Variants in GRIP1 observed in about 807,000 individuals in gnomAD.
The protein encoded by GRIP1 is glutamate receptor interacting protein 1.
A neutral mutation model predicts 129.9 loss-of-function variants in GRIP1; 45 were observed. That is an observed-to-expected ratio of 0.35 (90% CI 0.27 to 0.44). The LOEUF (loss-of-function observed/expected upper bound fraction) is 0.44. Among genes scored for constraint, GRIP1 ranks in the 20% least tolerant of loss-of-function variants. The pLI is 1.00. For synonymous variants in GRIP1, 530 were observed against 520.8 expected, an observed-to-expected ratio of 1.02 and a Z score of -0.24; for missense variants, 1,196 against 1,396.8, an observed-to-expected ratio of 0.86 and a Z score of 2.29.
At chr12:66,979,696 T>C (rs2042216283) in intron 1 of GRIP1, among the ~76,000 whole-genome samples, 1 of 152,146 alleles carries the variant, frequency 6.6e-6, no homozygotes, top group Non-Finnish European at 1.5e-5. Context: ...CAAGTTAAGA[T>C]GAAGTCATTA....
intron 23 of GRIP1, among the ~76,000 whole-genome samples, chr12:66,358,004 G>A (rs1452506172): frequency 3.3e-5 from 5 of 151,948 alleles, no homozygotes; most frequent in Admixed American, 6.6e-5. Context: ...AGCAATTCTC[G>A]TGCCTCGGCC....
chr12:66,584,794 C>T (rs955476220), intron 2 of GRIP1, among the ~76,000 whole-genome samples: 1 of 152,006 alleles, frequency 6.6e-6, no homozygotes. Context: ...CCTAGGTAAT[C>T]CACTCTCCCA....
chr12:66,694,912 G>A (rs947514988), intron 1 of GRIP1, among the ~76,000 whole-genome samples: 2 of 152,192 alleles, frequency 1.3e-5, no homozygotes, highest in African/African-American at 4.8e-5. Flanking sequence ...TGAGGGTATG[G>A]CTAAGTGAGA....
chr12:66,549,423 A>C (rs1264827068), intron 2 of GRIP1, among the ~76,000 whole-genome samples: 1 of 152,174 alleles, frequency 6.6e-6, no homozygotes, highest in Non-Finnish European at 1.5e-5. Context: ...CTATAGCTAT[A>C]TCTGTGTACT....
intron 14 of GRIP1, among the ~76,000 whole-genome samples, chr12:66,422,584 T>TTA (rs1245932063): frequency 4.0e-5 from 6 of 151,716 alleles, no homozygotes; most frequent in Admixed American, 6.6e-5. Context: ...TTGGCTTTTT[T>TTA]AAAAAAAATC....
intron 15 of GRIP1, chr12:66,407,386 A>C (rs2137671407): frequency 6.6e-6 from 1 of 152,346 alleles, no homozygotes; most frequent in South Asian, 2.1e-4. Flanking sequence ...CAAAAATCAG[A>C]TGAGCAATCA....
At chr12:66,551,868 C>T (rs2139316795) in intron 2 of GRIP1, among the ~76,000 whole-genome samples, 1 of 152,218 alleles carries the variant, frequency 6.6e-6, no homozygotes, top group Admixed American at 6.5e-5. Flanking sequence ...AGGCATGAGC[C>T]ACAGTGCCAG....
intron 1 of GRIP1, among the ~76,000 whole-genome samples, chr12:66,736,075 T>C (rs557408298): frequency 3.3e-5 from 5 of 152,254 alleles, no homozygotes; most frequent in South Asian, 4.1e-4. Flanking sequence ...CCCTGCACAG[T>C]CAAAAATCTG....
chr12:66,459,574 G>C (rs10219746), intron 9 of GRIP1, among the ~76,000 whole-genome samples: 63,116 of 152,018 alleles, frequency 0.42, 14,010 homozygotes, highest in African/African-American at 0.55. Context: ...TTATTTACCA[G>C]CTATTGCTTT....
At chr12:66,500,497 G>A (rs2060362137) in intron 7 of GRIP1, among the ~76,000 whole-genome samples, 1 of 152,204 alleles carries the variant, frequency 6.6e-6, no homozygotes, top group African/African-American at 2.4e-5. Context: ...AACTAACAGG[G>A]AGATGTCTAA....
intron 1 of GRIP1, among the ~76,000 whole-genome samples, chr12:66,695,463 G>A (rs528810267): frequency 1.6e-4 from 25 of 152,238 alleles, no homozygotes; most frequent in African/African-American, 6.0e-4. Flanking sequence ...ACTTGTCGGT[G>A]GTTGGCTCCA....
chr12:66,969,649 T>G (rs1165641136), intron 1 of GRIP1, among the ~76,000 whole-genome samples: 1 of 152,108 alleles, frequency 6.6e-6, no homozygotes, highest in Non-Finnish European at 1.5e-5. Context: ...ACTCTTGGGC[T>G]CAAGCAATCC....
At chr12:66,867,886 C>T (rs971551028) in intron 1 of GRIP1, among the ~76,000 whole-genome samples, 9 of 151,904 alleles carry the variant, frequency 5.9e-5, no homozygotes, top group African/African-American at 2.2e-4. Flanking sequence ...GAGCAGGGAA[C>T]AAAAATCTTC....
chr12:66,367,099 C>G (rs2137240360), intron 23 of GRIP1, among the ~76,000 whole-genome samples: 1 of 152,258 alleles, frequency 6.6e-6, no homozygotes, highest in African/African-American at 2.4e-5. Flanking sequence ...ATTTCAGAAA[C>G]AGATTAAGTG....
intron 1 of GRIP1, among the ~76,000 whole-genome samples, chr12:66,944,537 G>A (rs1356645628): frequency 6.6e-6 from 1 of 151,648 alleles, no homozygotes; most frequent in African/African-American, 2.4e-5. Context: ...GGGTGGAGGG[G>A]TGGGGGTGCC....
intron 19 of GRIP1, among the ~76,000 whole-genome samples, chr12:66,382,165 G>A (rs1024117423): frequency 4.6e-5 from 7 of 152,172 alleles, no homozygotes; most frequent in Admixed American, 1.3e-4. Flanking sequence ...GGTTGTTGAG[G>A]CTGCAGTGAG....
chr12:66,750,937 T>C (rs1201363540), intron 1 of GRIP1, among the ~76,000 whole-genome samples: 1 of 152,184 alleles, frequency 6.6e-6, no homozygotes, highest in Non-Finnish European at 1.5e-5. Context: ...CCTAAAGTAA[T>C]AGGAAGATTG....
At position 66,419,527 on chromosome 12, in the gene GRIP1, C is replaced by T. The variant is rs957503642; in HGVS notation, c.1838+1193G>A. Among the ~76,000 whole-genome samples the T allele has an allele frequency of 3.9e-5, 6 of 152,264 alleles. No homozygotes were observed. The South Asian group carries it at 8.3e-4, about 21-fold the overall frequency. The stretch of plus-strand genomic sequence containing the variant: ...TATTTTCCATGATGTAATTACTGTG[C>T]ATTGCATGCCTTATCAAAATATCTC... On this transcript the variant is annotated intron_variant, in intron 15 of 24. Coordinates refer to ENST00000359742, the MANE Select transcript of GRIP1 (RefSeq NM_001366722.1).
intron 1 of GRIP1, among the ~76,000 whole-genome samples, chr12:66,599,660 TGTCCAGGGTGC>T (rs2064194228): frequency 6.6e-6 from 1 of 152,088 alleles, no homozygotes; most frequent in Non-Finnish European, 1.5e-5. Context: ...AGGACAAGAG[TGTCCAGGGTGC>T]ATTTCAAACC....
Sources: gnomAD v4.1 joint callset for allele counts (sites outside exome capture counted in the v4.1 genomes callset) on GRCh38, gnomAD v4.1.1 for gene constraint, MANE v1.5 for transcripts, NCBI Gene and HGNC (gene_info 2026-07-23, HGNC 2026-07-21) for gene names.